TRIM9: variants seen among roughly 807,000 people sequenced by gnomAD.
The protein encoded by TRIM9 is E3 ubiquitin-protein ligase TRIM9.
TRIM9 carries 26 observed loss-of-function variants against 78.3 expected under a neutral mutation model. The ratio of observed to expected loss-of-function variants is 0.33; its 90% CI spans 0.24 to 0.46. The LOEUF is 0.46. TRIM9 is among the 20% of genes least tolerant of loss of function. TRIM9 has a pLI of 1.00. For missense variants in TRIM9, 787 were observed against 1,036.4 expected (o/e 0.76, Z 3.30); for synonymous variants, 398 against 416.5 (o/e 0.96, Z 0.54).
chr14:50,999,213 A>G (rs1300814240), intron 6 of TRIM9, among the ~76,000 whole-genome samples: 2 of 152,262 alleles, frequency 1.3e-5, no homozygotes, highest in East Asian at 3.9e-4. Context: ...AAAATAAGAT[A>G]ATTATTTAAA....
chr14:51,094,485 T>C lies in TRIM9; in HGVS notation c.455A>G (p.Glu152Gly), dbSNP rs770127088. Residue 152 changes from glutamate to glycine, a missense_variant, in exon 1 of 13, where the codon GAA (glutamate) becomes GGA (glycine). This residue lies in a region of TRIM9 where 352 missense variants were observed against 472.3 expected (regional missense o/e 0.75). Coordinates refer to ENST00000684578, the MANE Select transcript of TRIM9 (RefSeq NM_001387360.1). ...LRGFPKNRVL[E>G]GVIDRYQQSK... ...CTGCTGGTAGCGGTCAATTACCCCT[T>C]CCAGTACGCGATTCTTGGGGAAGCC... is the stretch of plus-strand genomic sequence containing the variant. 4 of 1,613,688 alleles carry C rather than the reference T, an allele frequency of 2.5e-6. No individual in the cohort carries two copies. The highest frequency in any genetic ancestry group is 3.4e-6 in the Non-Finnish European group (4 of 1,179,938).
intron 1 of TRIM9, among the ~76,000 whole-genome samples, chr14:51,066,133 GA>G (rs2061722054): frequency 8.0e-6 from 1 of 124,552 alleles, no homozygotes; most frequent in Non-Finnish European, 1.7e-5. Flanking sequence ...AGGGGAGGGG[GA>G]GGGAGACAAT....
At chr14:51,055,763 T>A in intron 1 of TRIM9, among the ~76,000 whole-genome samples, 1 of 152,222 alleles carries the variant, frequency 6.6e-6, no homozygotes, top group East Asian at 1.9e-4. Flanking sequence ...GATAAATTTG[T>A]GTTTGTTCAA....
intron 1 of TRIM9, among the ~76,000 whole-genome samples, chr14:51,061,437 T>C (rs1276760169): frequency 6.7e-6 from 1 of 149,330 alleles, no homozygotes; most frequent in Non-Finnish European, 1.5e-5. Context: ...AAAAATTGGA[T>C]TGTTGACTTT....
chr14:51,091,459 A>G (rs890983426), intron 1 of TRIM9, among the ~76,000 whole-genome samples: 2 of 152,224 alleles, frequency 1.3e-5, no homozygotes, highest in African/African-American at 2.4e-5. Context: ...TAGTTAGTAT[A>G]GTTCTTTGCT....
chr14:51,028,029 G>A (rs2058412279), intron 1 of TRIM9, among the ~76,000 whole-genome samples: 1 of 152,180 alleles, frequency 6.6e-6, no homozygotes, highest in Non-Finnish European at 1.5e-5. Context: ...GTATAAGACA[G>A]ACTTGATACC....
intron 1 of TRIM9, among the ~76,000 whole-genome samples, chr14:51,027,844 T>A (rs1161395643): frequency 6.6e-6 from 1 of 152,016 alleles, no homozygotes; most frequent in East Asian, 1.9e-4. Flanking sequence ...TATCTTTTTT[T>A]TTTCCTGAAT....
intron 1 of TRIM9, among the ~76,000 whole-genome samples, chr14:51,027,103 A>G (rs1334807999): frequency 2.8e-5 from 4 of 145,096 alleles, no homozygotes; most frequent in Non-Finnish European, 6.1e-5. Flanking sequence ...ACAGTGCATG[A>G]TGCGTGCTTA....
intron 1 of TRIM9, among the ~76,000 whole-genome samples, chr14:51,026,057 C>T (rs760378012): frequency 1.2e-4 from 18 of 152,318 alleles, no homozygotes; most frequent in South Asian, 6.2e-4. Context: ...GGTACTTGCT[C>T]TTCCAGCCTC....
At position 51,075,912 on chromosome 14, in the gene TRIM9, C is replaced by T. The variant is rs554821713; in HGVS notation, c.822+18206G>A. On this transcript the variant is annotated intron_variant, in intron 1 of 12. Transcript: ENST00000684578. ...ACATACAACCTAAAAGGTGATTACA[C>T]AGGAATTCAACAAATGTTTCATTAA... 1.8e-4 allele frequency among the ~76,000 whole-genome samples: 27 copies of T among 152,278 alleles called. 1 individual carries two copies. The East Asian group carries it at 5.0e-3, about 28-fold the overall frequency.
chr14:51,062,669 T>C (rs2061440054), intron 1 of TRIM9, among the ~76,000 whole-genome samples: 1 of 152,204 alleles, frequency 6.6e-6, no homozygotes. Context: ...GGCAGAATTT[T>C]AGCTGCAAGA....
intron 7 of TRIM9, among the ~76,000 whole-genome samples, chr14:50,995,762 A>G: frequency 6.6e-6 from 1 of 151,074 alleles, no homozygotes; most frequent in East Asian, 1.9e-4. Flanking sequence ...ACCACCCCCA[A>G]TACCAGCAAA....
intron 1 of TRIM9, among the ~76,000 whole-genome samples, chr14:51,058,456 C>T (rs12588907): frequency 1.4e-4 from 22 of 152,164 alleles, no homozygotes; most frequent in African/African-American, 4.8e-4. Context: ...ATAAAGACTG[C>T]ATTTCTTAGC....
intron 5 of TRIM9, among the ~76,000 whole-genome samples, chr14:51,008,369 A>G (rs954300455): frequency 2.6e-5 from 4 of 152,240 alleles, no homozygotes; most frequent in African/African-American, 7.2e-5. Context: ...ACTTCTTACT[A>G]TTTTTGTAAC....
At chr14:51,038,135 G>C (rs1231615342) in intron 1 of TRIM9, among the ~76,000 whole-genome samples, 2 of 152,200 alleles carry the variant, frequency 1.3e-5, no homozygotes, top group African/African-American at 2.4e-5. Flanking sequence ...GGATTATCTA[G>C]GTGGGCCCAA....
intron 4 of TRIM9, 144 bp from the exon 5 acceptor site, chr14:51,009,377 C>T (rs1014670563): frequency 2.1e-6 from 2 of 946,786 alleles, no homozygotes; most frequent in Non-Finnish European, 3.1e-6. Flanking sequence ...TGGTGAGGAA[C>T]ACCCCATTAG....
chr14:50,979,252 T>C, intron 12 of TRIM9, 135 bp downstream of exon 12: 2 of 1,531,898 alleles, frequency 1.3e-6, no homozygotes, highest in Non-Finnish European at 1.8e-6. Flanking sequence ...TCCCTTTCTC[T>C]CCTCCTCTCC....
intron 1 of TRIM9, among the ~76,000 whole-genome samples, chr14:51,034,319 C>T (rs2058970582): frequency 6.6e-6 from 1 of 152,142 alleles, no homozygotes; most frequent in Non-Finnish European, 1.5e-5. Context: ...GAATTTAGGC[C>T]TTAACTAGGA....
chr14:51,056,406 T>C (rs1330531509), intron 1 of TRIM9, among the ~76,000 whole-genome samples: 1 of 152,176 alleles, frequency 6.6e-6, no homozygotes, highest in Admixed American at 6.5e-5. Context: ...CAAAGGTGAA[T>C]TTCTAAAAAC....
Sources: gnomAD v4.1 joint callset for allele counts (sites outside exome capture counted in the v4.1 genomes callset) on GRCh38, gnomAD v4.1.1 for gene constraint, gnomAD v4.1.1 regional missense constraint, MANE v1.5 for transcripts, NCBI Gene and HGNC (gene_info 2026-07-23, HGNC 2026-07-21) for gene names.